DLGAP4: variants seen among roughly 807,000 people sequenced by gnomAD.
DLGAP4 encodes DLG associated protein 4, also known as disks large-associated protein 4.
In DLGAP4, 18 loss-of-function variants were observed where a neutral mutation model predicts 86.9. That is an observed-to-expected ratio of 0.21 (90% CI 0.14 to 0.31). The LOEUF is 0.31. Among genes scored for constraint, DLGAP4 ranks in the 10% least tolerant of loss-of-function variants. The pLI, the probability that DLGAP4 is intolerant of heterozygous loss-of-function variation, is 1.00. For missense variants in DLGAP4, 1,085 were observed against 1,362.6 expected (o/e 0.80, Z 3.21); for synonymous variants, 548 against 574.3 (o/e 0.95, Z 0.65).
At chr20:36,506,816 C>G (rs2036400129) in intron 10 of DLGAP4, among the ~76,000 whole-genome samples, 1 of 152,208 alleles carries the variant, frequency 6.6e-6, no homozygotes, top group South Asian at 2.1e-4. Flanking sequence ...TAAACACTAA[C>G]TCCCCATTCC....
chr20:36,432,682 C>A lies in DLGAP4; in HGVS notation c.965C>A (p.Ser322Tyr). 1 of 1,613,494 alleles carries A rather than the reference C, an allele frequency of 6.2e-7. No individual in the cohort carries two copies. Among genetic ancestry groups the A allele is most frequent in the Non-Finnish European group, 8.5e-7 (1 of 1,179,804 alleles). The change falls in exon 3 of 13, where the codon TCC (serine) becomes TAC (tyrosine). Residue 322 changes from serine to tyrosine, a missense_variant. By Grantham distance (144) the Ser-to-Tyr change is moderately radical (BLOSUM62 -2). Coordinates refer to ENST00000339266, the MANE Select transcript of DLGAP4 (RefSeq NM_001365621.2). This position sits in a 1 kb window ranked among gnomAD's most constrained non-coding sequence, Gnocchi z 6.5. ...GATAAGAGCCTGCTCAAGTCCAAATCCTGCCACCAGGGTCTAGCCTACCAT... is the reference window on the plus strand; with the variant it reads ...GATAAGAGCCTGCTCAAGTCCAAATACTGCCACCAGGGTCTAGCCTACCAT... ...TLDKSLLKSK[S>Y]CHQGLAYHYL... is the part of the protein sequence containing the mutation.
At chr20:36,380,809 T>G (rs1407161721) in intron 2 of DLGAP4, among the ~76,000 whole-genome samples, 2 of 152,208 alleles carry the variant, frequency 1.3e-5, no homozygotes, top group Non-Finnish European at 2.9e-5. Flanking sequence ...TGCATCTGAA[T>G]TCTAGACAGG....
chr20:36,403,612 T>C (rs1043558896), intron 2 of DLGAP4, among the ~76,000 whole-genome samples: 1 of 152,268 alleles, frequency 6.6e-6, no homozygotes, highest in South Asian at 2.1e-4. Context: ...TCTGGAAGTA[T>C]ACAAGCAAAC....
At position 36,436,225 on chromosome 20, in the gene DLGAP4, C is replaced by G; in HGVS notation, c.1116C>G (p.Ala372=). Residue 372 remains alanine (A), a synonymous_variant, in exon 4 of 13, where the codon GCC becomes GCG. Transcript: ENST00000339266. ...TGCGCAGCGGCAGCTACATCAAGGC[C>G]ATGGGCGACGAGGACAGCGACGAGT... ...RRMRSGSYIK[A]MGDEDSDESG... is the part of the protein sequence containing the mutation. 1 of 1,605,444 alleles carries G rather than the reference C, an allele frequency of 6.2e-7. No homozygotes were observed. Among genetic ancestry groups the G allele is most frequent in the Non-Finnish European group, 8.5e-7 (1 of 1,179,412 alleles).
At chr20:36,416,911 T>C (rs1236416727) in intron 2 of DLGAP4, among the ~76,000 whole-genome samples, 1 of 152,208 alleles carries the variant, frequency 6.6e-6, no homozygotes, top group Non-Finnish European at 1.5e-5. Context: ...AGGCTCTGTC[T>C]GACTACCTCA....
In DLGAP4 at chr20:36,327,457, G is replaced by A. The variant is rs1355477350; in HGVS notation, c.-304+20945G>A. Among the ~76,000 whole-genome samples, 12 of 152,230 alleles carry A rather than the reference G, an allele frequency of 7.9e-5. No individual in the cohort carries two copies. In the East Asian group the frequency reaches 1.5e-3, roughly 20 times the overall value. On this transcript the variant is annotated intron_variant, in intron 1 of 12. Coordinates refer to ENST00000339266, the MANE Select transcript of DLGAP4 (RefSeq NM_001365621.2). The stretch of plus-strand genomic sequence containing the variant: ...CCTGGCAGAGTGCAGCACAGGAAAC[G>A]AGAGGAAGTGTCAGAGCCCACAGCT...
intron 2 of DLGAP4, among the ~76,000 whole-genome samples, chr20:36,369,929 G>C (rs187396888): frequency 1.3e-5 from 2 of 151,970 alleles, no homozygotes; most frequent in African/African-American, 2.4e-5. Context: ...GAGGAGGAAA[G>C]TGAGGCTTGG....
chr20:36,407,490 A>G (rs1232976983), intron 2 of DLGAP4, among the ~76,000 whole-genome samples: 3 of 152,178 alleles, frequency 2.0e-5, no homozygotes, highest in South Asian at 2.1e-4. Flanking sequence ...CAAGGGACTC[A>G]GAGTGTGGGA....
rs1287550761 is a variant in DLGAP4 at position 36,431,755 on chromosome 20, C to T, written c.38C>T (p.Ser13Phe). 3 of 1,606,426 alleles carry T rather than the reference C, an allele frequency of 1.9e-6. No homozygotes were observed. The African/African-American group carries it at 4.0e-5, about 21-fold the overall frequency. ...GGTGACAGCCGCCCCCGCCACCTCT[C>T]CGACAGCCTAGACCCACCCCACGAG... ...GLGDSRPRHL[S>F]DSLDPPHEPL... Residue 13 changes from serine to phenylalanine, a missense_variant, in exon 3 of 13, where the codon TCC becomes TTC. This residue lies in a region of DLGAP4 where 1,082 missense variants were observed against 1,344.1 expected (regional missense o/e 0.81). Coordinates refer to ENST00000339266, the MANE Select transcript of DLGAP4 (RefSeq NM_001365621.2). The surrounding 1 kb of genome is among the most constrained non-coding windows in gnomAD (Gnocchi z 5.1).
intron 3 of DLGAP4, among the ~76,000 whole-genome samples, chr20:36,435,501 G>C (rs1033202202): frequency 6.6e-6 from 1 of 152,224 alleles, no homozygotes; most frequent in Admixed American, 6.5e-5. Context: ...CGGAGTCCCT[G>C]AAGTTCAGAT....
intron 7 of DLGAP4, among the ~76,000 whole-genome samples, chr20:36,460,235 G>A (rs2033987901): frequency 6.6e-6 from 1 of 152,216 alleles, no homozygotes; most frequent in South Asian, 2.1e-4. Context: ...GGAGGCCGAG[G>A]TGGGAGGATC....
intron 7 of DLGAP4, among the ~76,000 whole-genome samples, chr20:36,466,316 G>A (rs1223831307): frequency 1.3e-5 from 2 of 152,182 alleles, no homozygotes; most frequent in African/African-American, 4.8e-5. Flanking sequence ...ATGAGAACTC[G>A]TGTAGTAACA....
At chr20:36,385,244 A>G (rs1395487640) in intron 2 of DLGAP4, among the ~76,000 whole-genome samples, 2 of 152,176 alleles carry the variant, frequency 1.3e-5, no homozygotes, top group Non-Finnish European at 2.9e-5. Flanking sequence ...CAAATCCTGG[A>G]TCTGCTAACT....
chr20:36,525,250 A>C (rs1482243134), intron 11 of DLGAP4, among the ~76,000 whole-genome samples: 22 of 66,590 alleles, frequency 3.3e-4, no homozygotes, highest in African/African-American at 7.5e-4. Flanking sequence ...AAAAAAAAAA[A>C]AAAACAAAGA....
At position 36,441,669 on chromosome 20, in the gene DLGAP4, C is replaced by T. The variant is rs6090883; in HGVS notation, c.1357-1058C>T. On this transcript the variant is annotated intron_variant, in intron 5 of 12. Coordinates refer to ENST00000339266, the MANE Select transcript of DLGAP4 (RefSeq NM_001365621.2). ...GTTTGCTGAATGGACGGCATCCCTC[C>T]CTGTCTCTCCCATCCCACCACGTTT... Among the ~76,000 whole-genome samples the T allele has an allele frequency of 7.1e-3, 1,080 of 152,282 alleles. 11 individuals are homozygous for T. Among genetic ancestry groups the T allele is most frequent in the African/African-American group, 0.025 (1,028 of 41,544 alleles).
rs149282966 is a variant in DLGAP4, at chr20:36,520,393, T to C, written c.2513-3857T>C. ...CAGAGTCTCACTCTGTTGCCCAGGC[T>C]GGAGTGCAGTGGCACAATCTCAGCT... On this transcript the variant is annotated intron_variant, in intron 10 of 12. Transcript: ENST00000339266. Among the ~76,000 whole-genome samples, 461 of 152,204 alleles carry C rather than the reference T, an allele frequency of 3.0e-3. 3 individuals carry two copies. The highest frequency in any genetic ancestry group is 0.011 in the African/African-American group (446 of 41,530).
chr20:36,479,170 C>A (rs528525298), intron 7 of DLGAP4, among the ~76,000 whole-genome samples: 1 of 152,136 alleles, frequency 6.6e-6, no homozygotes, highest in Admixed American at 6.6e-5. Context: ...GTGGGGCGGG[C>A]TCTGTGGGCA....
chr20:36,442,171 G>T (rs2033464847), intron 5 of DLGAP4, among the ~76,000 whole-genome samples: 1 of 152,148 alleles, frequency 6.6e-6, no homozygotes, highest in Admixed American at 6.5e-5. Context: ...TGGTCCCAGG[G>T]CCCAGACCTA....
intron 5 of DLGAP4, among the ~76,000 whole-genome samples, chr20:36,441,201 AC>A (rs1186391140): frequency 6.6e-6 from 1 of 152,092 alleles, no homozygotes; most frequent in Non-Finnish European, 1.5e-5. Context: ...GCCCTGTAAG[AC>A]CTAGGCCCTG....
Sources: gnomAD v4.1 joint callset for allele counts (sites outside exome capture counted in the v4.1 genomes callset) on GRCh38, gnomAD v4.1.1 for gene constraint, gnomAD v4.1.1 regional missense constraint, Gnocchi (gnomAD v3.1) non-coding constraint, MANE v1.5 for transcripts, NCBI Gene and HGNC (gene_info 2026-07-23, HGNC 2026-07-21) for gene names.